The following DTNBP1 variants were observed in gnomAD, a reference collection of about 807,000 sequenced individuals.
DTNBP1 encodes the protein dystrobrevin binding protein 1, also known as dysbindin.
A neutral mutation model predicts 42.8 loss-of-function variants in DTNBP1; 35 were observed. The observed-to-expected ratio is 0.82, with a 90% CI of 0.63 to 1.09. The LOEUF (loss-of-function observed/expected upper bound fraction) is 1.09. Among genes scored for constraint, DTNBP1 ranks in the 50% least tolerant of loss-of-function variants. DTNBP1 has a pLI of 0.00. For missense variants in DTNBP1, 457 were observed against 424.2 expected (o/e 1.08, Z -0.68); for synonymous variants, 171 against 162.2 (o/e 1.05, Z -0.41).
intron 7 of DTNBP1, among the ~76,000 whole-genome samples, chr6:15,547,367 G>T (rs1253434544): frequency 6.6e-6 from 1 of 152,160 alleles, no homozygotes; most frequent in African/African-American, 2.4e-5. Context: ...TTGGGCCAAA[G>T]ATTTGCATTT....
intron 7 of DTNBP1, among the ~76,000 whole-genome samples, chr6:15,591,018 C>T (rs919212079): frequency 3.9e-5 from 6 of 151,928 alleles, no homozygotes; most frequent in African/African-American, 1.2e-4. Flanking sequence ...TAATAAATTG[C>T]CACAATATGT....
At chr6:15,569,418 A>C (rs1007895690) in intron 7 of DTNBP1, among the ~76,000 whole-genome samples, 1 of 123,988 alleles carries the variant, frequency 8.1e-6, no homozygotes, top group African/African-American at 3.2e-5. Context: ...CTCCCGTCCT[A>C]TGACCTCACC....
chr6:15,634,050 T>G (rs888360903), intron 4 of DTNBP1, among the ~76,000 whole-genome samples: 1 of 152,194 alleles, frequency 6.6e-6, no homozygotes, highest in Non-Finnish European at 1.5e-5. Context: ...TGACAATATT[T>G]CTGAGGTATG....
intron 7 of DTNBP1, among the ~76,000 whole-genome samples, chr6:15,580,093 A>G (rs1581352896): frequency 6.6e-6 from 1 of 152,260 alleles, no homozygotes; most frequent in East Asian, 1.9e-4. Context: ...AAATATGACA[A>G]TTTGAAACCC....
At chr6:15,578,018 G>C (rs757274112) in intron 7 of DTNBP1, among the ~76,000 whole-genome samples, 1 of 152,204 alleles carries the variant, frequency 6.6e-6, no homozygotes. Context: ...TGGACAGTAC[G>C]AACAACTGCC....
intron 7 of DTNBP1, among the ~76,000 whole-genome samples, chr6:15,557,246 ATTTTT>A (rs34529397): frequency 7.4e-6 from 1 of 135,078 alleles, no homozygotes. Flanking sequence ...GGGGGTGGGA[ATTTTT>A]TTTTTTTTTT....
intron 6 of DTNBP1, among the ~76,000 whole-genome samples, chr6:15,595,669 C>G (rs745622329): frequency 7.2e-5 from 11 of 152,106 alleles, no homozygotes; most frequent in Non-Finnish European, 1.6e-4. Context: ...GTTAGAGGTA[C>G]TCAGCATTTG....
chr6:15,622,853 G>A (rs1421613172), intron 5 of DTNBP1, among the ~76,000 whole-genome samples: 1 of 152,152 alleles, frequency 6.6e-6, no homozygotes, highest in Non-Finnish European at 1.5e-5. Context: ...CATCTGTAGT[G>A]TAACCACTGA....
At chr6:15,615,135 G>A in intron 6 of DTNBP1, 132 bp downstream of exon 6, 1 of 1,436,956 alleles carries the variant, frequency 7.0e-7, no homozygotes, top group Non-Finnish European at 9.7e-7. Flanking sequence ...AAAAGTTTTG[G>A]AAAGCTTATT....
At chr6:15,595,900 C>T (rs1334243938) in intron 6 of DTNBP1, among the ~76,000 whole-genome samples, 1 of 152,108 alleles carries the variant, frequency 6.6e-6, no homozygotes, top group Admixed American at 6.5e-5. Context: ...GTTCTCAGTG[C>T]CAGGCTAAAA....
intron 9 of DTNBP1, chr6:15,523,479 G>T (rs1248434521): frequency 7.8e-7 from 1 of 1,285,954 alleles, no homozygotes; most frequent in Non-Finnish European, 1.0e-6. Flanking sequence ...TCCTAAGGCT[G>T]TAATACGCGT....
At chr6:15,661,906 C>T (rs1456336129) in intron 1 of DTNBP1, among the ~76,000 whole-genome samples, 2 of 152,272 alleles carry the variant, frequency 1.3e-5, no homozygotes, top group Non-Finnish European at 2.9e-5. Context: ...CCCCATTTTA[C>T]GGTAGCGGAA....
intron 4 of DTNBP1, among the ~76,000 whole-genome samples, chr6:15,630,451 T>C (rs1759627922): frequency 6.6e-6 from 1 of 152,142 alleles, no homozygotes; most frequent in Admixed American, 6.5e-5. Context: ...CCATGAATCT[T>C]GAAAGTTCAA....
At chr6:15,647,141 T>TA (rs1390969424) in intron 3 of DTNBP1, among the ~76,000 whole-genome samples, 4 of 151,610 alleles carry the variant, frequency 2.6e-5, no homozygotes, top group Admixed American at 6.6e-5. Flanking sequence ...ATAAGGAACT[T>TA]AAACAAATGA....
chr6:15,533,535 G>T, intron 7 of DTNBP1, 140 bp from the exon 8 acceptor site: 1 of 1,400,454 alleles, frequency 7.1e-7, no homozygotes, highest in Non-Finnish European at 1.0e-6. Context: ...CCGACTGCGT[G>T]TACAGCTGGC....
At chr6:15,537,538 G>A (rs1430095032) in intron 7 of DTNBP1, among the ~76,000 whole-genome samples, 1 of 152,174 alleles carries the variant, frequency 6.6e-6, no homozygotes, top group Non-Finnish European at 1.5e-5. Context: ...TGAGATTTGG[G>A]AGGGGCCTGG....
At chr6:15,596,509 A>G (rs1776521121) in intron 6 of DTNBP1, among the ~76,000 whole-genome samples, 1 of 152,024 alleles carries the variant, frequency 6.6e-6, no homozygotes, top group Admixed American at 6.5e-5. Flanking sequence ...GCAGCATTTG[A>G]CCCAACTGGT....
chr6:15,572,412 G>A (rs1167002818), intron 7 of DTNBP1, among the ~76,000 whole-genome samples: 1 of 152,118 alleles, frequency 6.6e-6, no homozygotes, highest in Non-Finnish European at 1.5e-5. Flanking sequence ...ACATGGAGAG[G>A]TTTCAACTTG....
intron 3 of DTNBP1, among the ~76,000 whole-genome samples, chr6:15,640,166 C>T (rs1581425061): frequency 6.6e-6 from 1 of 152,290 alleles, no homozygotes; most frequent in East Asian, 1.9e-4. Flanking sequence ...GTATGCTATC[C>T]AACCTCGCAT....
Sources: allele counts gnomAD v4.1 joint callset (sites outside exome capture counted in the v4.1 genomes callset), GRCh38; gene constraint gnomAD v4.1.1; transcripts MANE v1.5; gene names NCBI Gene and HGNC (gene_info 2026-07-23, HGNC 2026-07-21).